Variants in APOB observed in about 807,000 individuals in gnomAD.
The protein encoded by APOB is apolipoprotein B-100.
Under a neutral mutation model 314.1 loss-of-function variants are expected in APOB, and 153 were observed. That is an observed-to-expected ratio of 0.49 (90% CI 0.43 to 0.56). The LOEUF is 0.56. Among genes scored for constraint, APOB ranks in the 20% least tolerant of loss-of-function variants. The probability of loss-of-function intolerance (pLI) is 0.00; values close to 1 mark genes in which losing one functional copy is unlikely to be tolerated. For missense variants in APOB, 5,430 were observed against 5,350.7 expected (o/e 1.01, Z -0.46); for synonymous variants, 2,087 against 2,036.4 (o/e 1.02, Z -0.67).
In APOB at chr2:21,006,010, C is replaced by T. The variant is rs1465894526; in HGVS notation, c.10858G>A (p.Val3620Met). The change falls in exon 26 of 29, where the codon GTG (valine) becomes ATG (methionine). Residue 3620 changes from valine to methionine, a missense_variant. This residue lies in a region of APOB where 3,281 missense variants were observed against 3,171.0 expected (regional missense o/e 1.03). Coordinates refer to ENST00000233242, the MANE Select transcript of APOB (RefSeq NM_000384.3). ...TTCTTAGTGTTAGCATTCAGGGCCA[C>T]TTCCTGGCCAAGGTCAGGGAAATCA... ...FHDFPDLGQE[V>M]ALNANTKNQK... 2 of 1,614,016 alleles carry T rather than the reference C, an allele frequency of 1.2e-6. No individual in the cohort carries two copies. The highest frequency in any genetic ancestry group is 1.7e-6 in the Non-Finnish European group (2 of 1,179,940).
rs12713844 is a variant in APOB, at chr2:21,015,541, C to G, written c.3337G>C (p.Asp1113His). 8.4e-3 allele frequency: 13,482 copies of G among 1,612,412 alleles called. 105 individuals are homozygous for G. Among genetic ancestry groups the G allele is most frequent in the Non-Finnish European group, 9.9e-3 (11,656 of 1,179,988 alleles). Residue 1113 changes from aspartate to histidine, a missense_variant, in exon 22 of 29, where the codon GAC (aspartate) becomes CAC (histidine). Around this residue, in one of 3 missense-constraint regions of APOB, gnomAD observed 2,085 missense variants for 2,079.7 expected, o/e 1.00. Coordinates refer to ENST00000233242, the MANE Select transcript of APOB (RefSeq NM_000384.3). ...EVALMGHLSC[D>H]TKEERKIKGV... ...TTGATTTTTCTTTCTTCCTTTGTGT[C>G]ACAACTATGGTAAAGAAAATCAGTT...
chr2:21,002,002 G>A lies in APOB; in HGVS notation c.13420C>T (p.Gln4474Ter), dbSNP rs756281873. The change falls in exon 29 of 29, where the codon CAG becomes TAG. Residue 4474 changes from glutamine to a stop codon, truncating the protein, a stop_gained. Transcript: ENST00000233242. LOFTEE classifies it high-confidence loss of function. ...ATGGCCTGGCTTTTAATTATTTCCT[G>A]AGCAGTGGCAGAAAGCTCTGCAATC... is the stretch of plus-strand genomic sequence containing the variant. ...EKIAELSATA[Q>*]EIIKSQAIAT... 6.2e-7 allele frequency: 1 copy of A among 1,613,904 alleles called. No homozygotes were observed. The highest frequency in any genetic ancestry group is 8.5e-7 in the Non-Finnish European group (1 of 1,179,954).
rs142422110 is a variant in APOB, at chr2:21,007,526, A to C, written c.9342T>G (p.His3114Gln). Residue 3114 changes from histidine to glutamine, a missense_variant, in exon 26 of 29, where the codon CAT becomes CAG. This residue lies in a region of APOB where 3,281 missense variants were observed against 3,171.0 expected (regional missense o/e 1.03). Transcript: ENST00000233242. ...GATTTGCTTCTCCATTTATTCCTAC[A>C]TGGGCCTCCATAATGTTCTCGTTGT... ...AGNNENIMEA[H>Q]VGINGEANLD... 3 of 1,613,940 alleles carry C rather than the reference A, an allele frequency of 1.9e-6. No homozygotes were observed. In the Admixed American group the frequency reaches 5.0e-5, roughly 27 times the overall value.
Position 21,012,011 on chromosome 2 carries a change from T to C in APOB, c.4857A>G (p.Leu1619=), listed in dbSNP as rs148708564. 9.9e-6 allele frequency: 16 copies of C among 1,614,044 alleles called. No individual in the cohort carries two copies. In the African/African-American group the frequency reaches 2.1e-4, roughly 22 times the overall value. Residue 1619 remains leucine, a synonymous_variant, in exon 26 of 29, where the codon CTA becomes CTG. Transcript: ENST00000233242. ...CATTTAACTCAAGACCATGGGAATT[T>C]AGTGATCCAGAAAGCAGGCTGAAGA... ...LRFFSLLSGS[L]NSHGLELNAD...
intron 21 of APOB, among the ~76,000 whole-genome samples, chr2:21,015,919 A>G (rs1320865589): frequency 6.6e-6 from 1 of 152,200 alleles, no homozygotes; most frequent in East Asian, 1.9e-4. Context: ...AGCACCCAGC[A>G]CTGTGCTTGA....
At position 21,016,718 on chromosome 2, in the gene APOB, C is replaced by A. The variant is rs187128817; in HGVS notation, c.3122-69G>T. ...CTATGTTTTGGGCCGGGTGCGGTGG[C>A]TCACACCTGTAATCCCAGCACTTTG... On this transcript the variant is annotated intron_variant, in intron 20 of 28. Transcript: ENST00000233242. The A allele has an allele frequency of 3.2e-4, 322 of 1,013,476 alleles. 1 individual carries two copies. Among genetic ancestry groups the A allele is most frequent in the Non-Finnish European group, 3.9e-4 (249 of 634,902 alleles). The allele number at this position is 1,013,476 out of a possible 1,614,324, so 62.8% of individuals were successfully genotyped here.
At chr2:21,013,064 C>T (rs1663371900) in intron 25 of APOB, 96 bp downstream of exon 25, 8 of 1,490,720 alleles carry the variant, frequency 5.4e-6, no homozygotes, top group Non-Finnish European at 7.4e-6. Flanking sequence ...AGATTATCTG[C>T]TAGAAAGCCA....
intron 16 of APOB, 170 bp from the exon 17 acceptor site, chr2:21,023,862 T>C (rs920009882): frequency 3.2e-5 from 18 of 563,152 alleles, no homozygotes; most frequent in Non-Finnish European, 5.3e-5. Flanking sequence ...CTGATGTTTT[T>C]ACCGTTTTCA....
rs748727595 is a variant in APOB at position 21,001,815 on chromosome 2, G to A, written c.13607C>T (p.Thr4536Met). ...TGATTGCAGCTTTTTCAGTAACTCC[G>A]TGATGTATATCAGAAATGTGTGGTA... ...QNYHTFLIYI[T>M]ELLKKLQSTT... Residue 4536 changes from threonine to methionine, a missense_variant, in exon 29 of 29, where the codon ACG (threonine) becomes ATG (methionine). By Grantham distance (81) the Thr-to-Met change is moderately conservative. This residue lies in a region of APOB where 3,281 missense variants were observed against 3,171.0 expected (regional missense o/e 1.03). Transcript: ENST00000233242. 22 of 1,613,884 alleles carry A rather than the reference G, an allele frequency of 1.4e-5. No individual in the cohort carries two copies. Among genetic ancestry groups the A allele is most frequent in the East Asian group, 8.9e-5 (4 of 44,884 alleles).
chr2:21,021,818 T>C (rs1572792208), intron 18 of APOB, among the ~76,000 whole-genome samples: 1 of 152,322 alleles, frequency 6.6e-6, no homozygotes, highest in African/African-American at 2.4e-5. Flanking sequence ...ACTCTAATAC[T>C]TTCTATAACT....
At position 21,028,484 on chromosome 2, in the gene APOB, G is replaced by A. The variant is rs878853970; in HGVS notation, c.1672C>T (p.Arg558Ter). 5.6e-6 allele frequency: 9 copies of A among 1,613,836 alleles called. No homozygotes were observed. Among genetic ancestry groups the A allele is most frequent in the Admixed American group, 1.7e-5 (1 of 60,000 alleles). The part of the protein sequence containing the change: ...FLDDASPGDK[R>*]LAAYLMLMRS... The stretch of plus-strand genomic sequence containing the variant: ...ATCAACATAAGATAGGCAGCCAGTC[G>A]CTTATCTCCCGGAGAAGCATCATCA... Residue 558 changes from arginine to a stop codon, truncating the protein, a stop_gained, in exon 13 of 29, where the codon CGA becomes TGA. Coordinates refer to ENST00000233242, the MANE Select transcript of APOB (RefSeq NM_000384.3). LOFTEE classifies it high-confidence loss of function.
chr2:21,035,617 T>C lies in APOB; in HGVS notation c.785A>G (p.Lys262Arg). ...GAAAGGCAGGAAGAGGTGTTGCTCC[T>C]TGCAGATGGCTTCTGCCACATGCTT... ...KRKHVAEAIC[K>R]EQHLFLPFSY... is the part of the protein sequence containing the mutation. The change falls in exon 7 of 29, where the codon AAG becomes AGG. Residue 262 changes from lysine to arginine, a missense_variant. Physicochemically the swap from Lys to Arg is conservative, Grantham distance 26. Transcript: ENST00000233242. 6.2e-7 allele frequency: 1 copy of C among 1,614,128 alleles called. No homozygotes were observed. The highest frequency in any genetic ancestry group is 8.5e-7 in the Non-Finnish European group (1 of 1,180,032).
At chr2:21,032,969 G>C (rs1347663041) in intron 9 of APOB, among the ~76,000 whole-genome samples, 1 of 152,124 alleles carries the variant, frequency 6.6e-6, no homozygotes, top group Non-Finnish European at 1.5e-5. Context: ...TTTTTCGTCT[G>C]AGTTCTCTCT....
Position 21,028,495 on chromosome 2 carries a change from G to A in APOB, c.1661C>T (p.Pro554Leu), listed in dbSNP as rs12714214. The A allele has an allele frequency of 5.0e-4, 802 of 1,613,704 alleles. 6 individuals carry two copies. In the African/African-American group the frequency reaches 8.4e-3, roughly 17 times the overall value. The change falls in exon 13 of 29, where the codon CCG becomes CTG. Residue 554 changes from proline (P) to leucine (L), a missense_variant. Coordinates refer to ENST00000233242, the MANE Select transcript of APOB (RefSeq NM_000384.3). ...ATAGGCAGCCAGTCGCTTATCTCCC[G>A]GAGAAGCATCATCAAGGAAAGTCTG... ...LLQTFLDDAS[P>L]GDKRLAAYLM... is the part of the protein sequence containing the mutation.
chr2:21,008,964 T>C lies in APOB; in HGVS notation c.7904A>G (p.Asp2635Gly), dbSNP rs775782882. ...RIPSVQINFK[D>G]LKNIKIPSRF... ...GGATGGGATTTTTATATTTTTTAAG[T>C]CTTTGAAGTTTATCTGAACTGATGG... Residue 2635 changes from aspartate (D) to glycine (G), a missense_variant, in exon 26 of 29, where the codon GAC becomes GGC. By Grantham distance (94) the Asp-to-Gly change is moderately conservative (BLOSUM62 -1). Transcript: ENST00000233242. 3 of 1,614,046 alleles carry C rather than the reference T, an allele frequency of 1.9e-6. No homozygotes were observed. The South Asian group carries it at 3.3e-5, about 18-fold the overall frequency.
chr2:21,032,333 A>T, intron 10 of APOB, 21 bp downstream of exon 10: 1 of 1,605,110 alleles, frequency 6.2e-7, no homozygotes, highest in Non-Finnish European at 8.5e-7. Context: ...CTAGGAGGAG[A>T]AATACAGTGT....
intron 25 of APOB, 63 bp downstream of exon 25, chr2:21,013,097 G>A (rs1663372492): frequency 6.2e-7 from 1 of 1,607,524 alleles, no homozygotes; most frequent in Non-Finnish European, 8.5e-7. Flanking sequence ...CCCTGGAGGA[G>A]GCTCTCCTCT....
At chr2:21,035,051 A>G (rs1663968045) in intron 7 of APOB, 150 bp from the exon 8 acceptor site, 1 of 730,414 alleles carries the variant, frequency 1.4e-6, no homozygotes, top group South Asian at 1.4e-5. Flanking sequence ...CTGAATGAAT[A>G]ACATCCACCT....
Position 21,005,743 on chromosome 2 carries a change from C to A in APOB, c.11125G>T (p.Val3709Leu), listed in dbSNP as rs1479855897. 2 of 1,613,912 alleles carry A rather than the reference C, an allele frequency of 1.2e-6. No homozygotes were observed. The highest frequency in any genetic ancestry group is 1.1e-5 in the South Asian group (1 of 91,072). Residue 3709 changes from valine (V) to leucine (L), a missense_variant, in exon 26 of 29, where the codon GTG becomes TTG. Physicochemically the swap from Val to Leu is conservative, Grantham distance 32. Around this residue, in one of 3 missense-constraint regions of APOB, gnomAD observed 3,281 missense variants for 3,171.0 expected, o/e 1.03. Coordinates refer to ENST00000233242, the MANE Select transcript of APOB (RefSeq NM_000384.3). ...TAGCCATTGGGGTTTTTGGTGTACACAAAGGCAGTTGAAACACGAAGATGC... is the reference window on the plus strand; with the variant it reads ...TAGCCATTGGGGTTTTTGGTGTACAAAAAGGCAGTTGAAACACGAAGATGC... The part of the protein sequence containing the change: ...RQHLRVSTAF[V>L]YTKNPNGYSF...
Sources: allele counts gnomAD v4.1 joint callset (sites outside exome capture counted in the v4.1 genomes callset), GRCh38; gene constraint gnomAD v4.1.1; regional missense constraint gnomAD v4.1.1; transcripts MANE v1.5; gene names NCBI Gene and HGNC (gene_info 2026-07-23, HGNC 2026-07-21).